The following APPL1 variants were observed in gnomAD, a reference collection of about 807,000 sequenced individuals.
APPL1 encodes the protein adaptor protein, phosphotyrosine interacting with PH domain and leucine zipper 1.
Under a neutral mutation model 106.8 loss-of-function variants are expected in APPL1, and 42 were observed. That is an observed-to-expected ratio of 0.39 (90% confidence interval 0.31 to 0.51). The LOEUF is 0.51. APPL1 is among the 20% of genes least tolerant of loss of function. The pLI is 0.75. For synonymous variants in APPL1, 263 were observed against 281.8 expected (o/e 0.93, Z 0.67); for missense variants, 769 against 858.2 (o/e 0.90, Z 1.30).
chr3:57,272,154 T>C lies in APPL1; in HGVS notation c.*2467T>C, dbSNP rs2107616623. 6.6e-6 allele frequency: 1 copy of C among 152,316 alleles called. No individual in the cohort carries two copies. Among genetic ancestry groups the C allele is most frequent in the East Asian group, 1.9e-4 (1 of 5,178 alleles). The allele number at this position is 152,316 out of a possible 1,614,324, so 9.4% of individuals were successfully genotyped here. A position where few individuals can be genotyped will look rare whatever the true frequency, so the allele number is the denominator to read the frequency against. On this transcript the variant is annotated 3_prime_UTR_variant, in exon 22 of 22. Coordinates refer to ENST00000288266, the MANE Select transcript of APPL1 (RefSeq NM_012096.3). ...AACTCCTTTTTAAAAAGAAAAGATA[T>C]TAAGCCTGCCTACTTCTACAATGCA...
Position 57,247,475 on chromosome 3 carries a change from G to GAAGT in APPL1, c.704+4_704+7dup. 6.3e-7 allele frequency: 1 copy of GAAGT among 1,582,066 alleles called. No homozygotes were observed. The highest frequency in any genetic ancestry group is 2.2e-5 in the East Asian group (1 of 44,542). On this transcript the variant is annotated frameshift_variant and splice_region_variant, in exon 9 of 22. Transcript: ENST00000288266. LOFTEE classifies it high-confidence loss of function. ...TAGCTAATATTGGAACAAGCGTTCA[G>GAAGT]AAGTAAGTATTTTTTTCCTTAAAAT... is the stretch of plus-strand genomic sequence containing the variant.
intron 3 of APPL1, 27 bp downstream of exon 3, chr3:57,237,578 A>G: frequency 2.0e-6 from 3 of 1,499,446 alleles, no homozygotes; most frequent in South Asian, 1.2e-5. Flanking sequence ...TTTTAAAAGC[A>G]TAATTTTAAA....
chr3:57,234,524 T>C (rs1226178731), intron 1 of APPL1, among the ~76,000 whole-genome samples: 1 of 152,150 alleles, frequency 6.6e-6, no homozygotes, highest in African/African-American at 2.4e-5. Flanking sequence ...GGTCTCAATC[T>C]CCTGACCTCG....
intron 19 of APPL1, among the ~76,000 whole-genome samples, chr3:57,263,682 A>G (rs948300756): frequency 6.6e-5 from 10 of 151,896 alleles, no homozygotes; most frequent in Non-Finnish European, 1.3e-4. Flanking sequence ...ATCCATTCAA[A>G]TGACAGAATC....
chr3:57,250,551 T>C (rs994164292), intron 11 of APPL1, among the ~76,000 whole-genome samples: 2 of 152,182 alleles, frequency 1.3e-5, no homozygotes, highest in African/African-American at 4.8e-5. Flanking sequence ...GTCTTATTAA[T>C]CAAAAGCGAC....
At chr3:57,238,206 T>A in intron 4 of APPL1, 90 bp downstream of exon 4, 1 of 933,586 alleles carries the variant, frequency 1.1e-6, no homozygotes, top group South Asian at 1.8e-5. Flanking sequence ...AAAGCTCTAT[T>A]AAAGAGATGA....
chr3:57,242,274 A>T, intron 6 of APPL1, 132 bp downstream of exon 6: 2 of 651,608 alleles, frequency 3.1e-6, no homozygotes, highest in Non-Finnish European at 5.1e-6. Flanking sequence ...TTAAATCAGT[A>T]TTGCTACTTA....
At chr3:57,244,637 G>A (rs1692367512) in intron 7 of APPL1, among the ~76,000 whole-genome samples, 1 of 152,122 alleles carries the variant, frequency 6.6e-6, no homozygotes. Context: ...AGGAGATATG[G>A]CAGAAAGAGT....
Position 57,233,678 on chromosome 3 carries a change from G to T in APPL1, c.55-1888G>T, listed in dbSNP as rs75491993. On this transcript the variant is annotated intron_variant, in intron 1 of 21. Coordinates refer to ENST00000288266, the MANE Select transcript of APPL1 (RefSeq NM_012096.3). ...GGGGAAGTGGAGGACTGAAAATAGGGACTTACTGGCATCATGATTTTGTGT... is the reference window on the plus strand; with the variant it reads ...GGGGAAGTGGAGGACTGAAAATAGGTACTTACTGGCATCATGATTTTGTGT... Among the ~76,000 whole-genome samples the T allele has an allele frequency of 7.6e-3, 1,151 of 152,156 alleles. 15 individuals carry two copies. Among genetic ancestry groups the T allele is most frequent in the African/African-American group, 0.026 (1,070 of 41,496 alleles).
At position 57,271,215 on chromosome 3, in the gene APPL1, A is replaced by G. The variant is rs3204124; in HGVS notation, c.*1528A>G. 102,181 of 152,024 alleles carry G rather than the reference A, an allele frequency of 0.67. 34,733 individuals carry two copies. Among genetic ancestry groups the G allele is most frequent in the East Asian group, 0.92 (4,769 of 5,162 alleles). 9.4% of individuals were successfully genotyped at this position (152,024 alleles called of 1,614,324 possible). ...TGTTTTAGGTCTCAAAATATAACTC[A>G]GCTGTTTCACACTGTATATGTACAT... is the stretch of plus-strand genomic sequence containing the variant. On this transcript the variant is annotated 3_prime_UTR_variant, in exon 22 of 22. Coordinates refer to ENST00000288266, the MANE Select transcript of APPL1 (RefSeq NM_012096.3).
intron 21 of APPL1, chr3:57,268,692 ATGAC>A (rs969591015): frequency 2.1e-5 from 8 of 375,104 alleles, no homozygotes; most frequent in African/African-American, 1.7e-4. Context: ...GACATGTAAT[ATGAC>A]TGTTTCAAAA....
intron 15 of APPL1, among the ~76,000 whole-genome samples, chr3:57,258,303 G>A (rs960674649): frequency 6.6e-6 from 1 of 152,112 alleles, no homozygotes; most frequent in African/African-American, 2.4e-5. Context: ...GACCACAGGC[G>A]TGCGCCACCA....
rs1480742367 is a variant in APPL1, at chr3:57,273,376, A to T, written c.*3689A>T. 6.6e-6 allele frequency: 1 copy of T among 152,626 alleles called. No individual in the cohort carries two copies. Among genetic ancestry groups the T allele is most frequent in the Admixed American group, 6.5e-5 (1 of 15,272 alleles). 9.5% of individuals were successfully genotyped at this position (152,626 alleles called of 1,614,324 possible). ...ACTTATTTTTTCATTTTGTCACAAT[A>T]GGTATATACTGACAAGGCTTCAGGA... On this transcript the variant is annotated 3_prime_UTR_variant, in exon 22 of 22. Transcript: ENST00000288266.
Position 57,235,642 on chromosome 3 carries a change from T to C in APPL1, c.131T>C (p.Met44Thr), listed in dbSNP as rs2060712564. 2 of 1,613,218 alleles carry C rather than the reference T, an allele frequency of 1.2e-6. No homozygotes were observed. Among genetic ancestry groups the C allele is most frequent in the South Asian group, 2.2e-5 (2 of 90,906 alleles). ...TATATGAACCAGTTGTATCAAGCTA[T>C]GCATCGGATTTATGATGCACAGGTA... ...SNYMNQLYQAMHRIYDAQNEL... is the reference protein window; with the variant it reads ...SNYMNQLYQATHRIYDAQNEL... The change falls in exon 2 of 22, where the codon ATG (methionine) becomes ACG (threonine). Residue 44 changes from methionine (M) to threonine (T), a missense_variant. By Grantham distance (81) the Met-to-Thr change is moderately conservative. Coordinates refer to ENST00000288266, the MANE Select transcript of APPL1 (RefSeq NM_012096.3).
intron 1 of APPL1, among the ~76,000 whole-genome samples, chr3:57,229,203 A>T (rs2060671559): frequency 6.6e-6 from 1 of 152,228 alleles, no homozygotes; most frequent in Non-Finnish European, 1.5e-5. Context: ...ATATAAAGTT[A>T]TAAACTGTAT....
chr3:57,268,636 G>A (rs989775932), intron 21 of APPL1, 149 bp downstream of exon 21: 8 of 826,514 alleles, frequency 9.7e-6, no homozygotes, highest in Non-Finnish European at 1.4e-5. Flanking sequence ...TAGCAGAAAA[G>A]GGTCACATCT....
At chr3:57,241,762 G>A (rs758313449) in intron 5 of APPL1, among the ~76,000 whole-genome samples, 8 of 152,222 alleles carry the variant, frequency 5.3e-5, no homozygotes, top group East Asian at 1.9e-4. Flanking sequence ...TTTGTTTCTC[G>A]TTTAGCATTT....
Position 57,259,032 on chromosome 3 carries a change from A to T in APPL1, c.1435A>T (p.Thr479Ser). ...ATTTTCTTCTAAACTTTTTAGGCGT[A>T]CAAATCCATTTGGAGAATCTGGAGG... ...AKAFGQGGRR[T>S]NPFGESGGST... The change falls in exon 16 of 22, where the codon ACA (threonine) becomes TCA (serine). Residue 479 changes from threonine (T) to serine (S), a missense_variant. Physicochemically the swap from Thr to Ser is moderately conservative, Grantham distance 58. Transcript: ENST00000288266. 4 of 1,612,762 alleles carry T rather than the reference A, an allele frequency of 2.5e-6. No individual in the cohort carries two copies. The highest frequency in any genetic ancestry group is 3.4e-6 in the Non-Finnish European group (4 of 1,179,308).
intron 1 of APPL1, among the ~76,000 whole-genome samples, chr3:57,232,683 T>C (rs1559506160): frequency 6.6e-6 from 1 of 152,122 alleles, no homozygotes; most frequent in Non-Finnish European, 1.5e-5. Context: ...TAGGAAAACA[T>C]GCATATTGAT....
Sources: gnomAD v4.1 joint callset for allele counts (sites outside exome capture counted in the v4.1 genomes callset) on GRCh38, gnomAD v4.1.1 for gene constraint, MANE v1.5 for transcripts, NCBI Gene and HGNC (gene_info 2026-07-23, HGNC 2026-07-21) for gene names.